The following CSMD3 variants were observed in gnomAD, a reference collection of about 807,000 sequenced individuals.
CSMD3 encodes the protein CUB and sushi domain-containing protein 3.
CSMD3 carries 177 observed loss-of-function variants against 435.2 expected under a neutral mutation model. The observed-to-expected ratio is 0.41, with a 90% CI of 0.36 to 0.46. The LOEUF (loss-of-function observed/expected upper bound fraction) is 0.46, where lower values mean the gene tolerates loss of function less well. Ranked by LOEUF, CSMD3 falls within the 20% of genes least tolerant of loss-of-function variation. CSMD3 has a pLI of 0.34. For missense variants in CSMD3, 4,265 were observed against 4,504.6 expected, an observed-to-expected ratio of 0.95 and a Z score of 1.52; for synonymous variants, 1,656 against 1,520.5, an observed-to-expected ratio of 1.09 and a Z score of -2.07.
At chr8:113,188,147 C>T (rs1362045292) in intron 3 of CSMD3, among the ~76,000 whole-genome samples, 22 of 151,912 alleles carry the variant, frequency 1.4e-4, no homozygotes, top group Admixed American at 1.4e-3. Context: ...TATTTATTGA[C>T]CACTTGCTCA....
intron 13 of CSMD3, among the ~76,000 whole-genome samples, chr8:112,776,220 G>A (rs962643876): frequency 6.6e-6 from 1 of 151,788 alleles, no homozygotes; most frequent in Non-Finnish European, 1.5e-5. Context: ...TTTACATTGT[G>A]AAAGGAAATT....
At chr8:112,423,652 C>T (rs1246807120) in intron 32 of CSMD3, among the ~76,000 whole-genome samples, 1 of 152,022 alleles carries the variant, frequency 6.6e-6, no homozygotes, top group Non-Finnish European at 1.5e-5. Context: ...ACCATGTTGC[C>T]CAGGCTGGAC....
intron 27 of CSMD3, among the ~76,000 whole-genome samples, chr8:112,527,452 A>G (rs1010003229): frequency 6.6e-6 from 1 of 152,000 alleles, no homozygotes; most frequent in Non-Finnish European, 1.5e-5. Context: ...AAAGTAAGAG[A>G]TAAAAAGAAT....
intron 30 of CSMD3, among the ~76,000 whole-genome samples, chr8:112,493,105 TG>T (rs1450845660): frequency 1.3e-5 from 2 of 152,024 alleles, no homozygotes; most frequent in East Asian, 1.9e-4. Context: ...TCTGTCTTTT[TG>T]GGGGGGCTCA....
intron 3 of CSMD3, among the ~76,000 whole-genome samples, chr8:113,200,119 A>G (rs534443809): frequency 1.3e-5 from 2 of 151,940 alleles, no homozygotes; most frequent in African/African-American, 2.4e-5. Context: ...AGTTTTTGCC[A>G]TCTTAATAAC....
chr8:113,215,687 A>T (rs1258163150), intron 3 of CSMD3, among the ~76,000 whole-genome samples: 1 of 151,958 alleles, frequency 6.6e-6, no homozygotes, highest in Non-Finnish European at 1.5e-5. Context: ...GCAAGCACAC[A>T]TAAAACAAAA....
At chr8:112,436,975 T>C (rs1348488439) in intron 32 of CSMD3, among the ~76,000 whole-genome samples, 1 of 152,064 alleles carries the variant, frequency 6.6e-6, no homozygotes, top group Non-Finnish European at 1.5e-5. Context: ...ATTTTGTATT[T>C]AGTCTTTATC....
intron 22 of CSMD3, among the ~76,000 whole-genome samples, chr8:112,627,654 A>G (rs928724493): frequency 6.6e-6 from 1 of 152,194 alleles, no homozygotes; most frequent in East Asian, 1.9e-4. Flanking sequence ...GGAGTCTTCT[A>G]TTTTAAGTCC....
At chr8:112,844,878 A>T (rs556585293) in intron 11 of CSMD3, among the ~76,000 whole-genome samples, 1 of 152,070 alleles carries the variant, frequency 6.6e-6, no homozygotes, top group South Asian at 2.1e-4. Context: ...GGTTGTATAA[A>T]GTACATTAAT....
At chr8:113,163,568 T>C (rs867963317) in intron 4 of CSMD3, among the ~76,000 whole-genome samples, 67 of 152,040 alleles carry the variant, frequency 4.4e-4, no homozygotes, top group African/African-American at 1.5e-3. Flanking sequence ...TAGGCATCCA[T>C]TAAATATTAA....
At chr8:113,112,841 T>G (rs2090703841) in intron 4 of CSMD3, among the ~76,000 whole-genome samples, 1 of 152,132 alleles carries the variant, frequency 6.6e-6, no homozygotes, top group African/African-American at 2.4e-5. Flanking sequence ...AAAACAGTCC[T>G]CTGACCACCT....
At chr8:112,511,848 T>G (rs1161399426) in intron 28 of CSMD3, among the ~76,000 whole-genome samples, 1 of 152,218 alleles carries the variant, frequency 6.6e-6, no homozygotes, top group Non-Finnish European at 1.5e-5. Flanking sequence ...TTATGTAATA[T>G]TTGAAGTTCT....
chr8:112,228,854 T>C lies in CSMD3; in HGVS notation c.10866A>G (p.Gln3622=), dbSNP rs2129838657. The change falls in exon 70 of 71, where the codon CAA becomes CAG. Residue 3622 remains glutamine (Q), a synonymous_variant. Coordinates refer to ENST00000297405, the MANE Select transcript of CSMD3 (RefSeq NM_198123.2). ...NMSEGSNSSN[Q]PHGTNSSSVA... Reference sequence around the variant, plus strand: ...CAGAACTACTATTTGTACCATGAGGTTGATTTGAAGAATTTGAACCTTCTG... The same window carrying C: ...CAGAACTACTATTTGTACCATGAGGCTGATTTGAAGAATTTGAACCTTCTG... 2 of 1,589,984 alleles carry C rather than the reference T, an allele frequency of 1.3e-6. No individual in the cohort carries two copies. Among genetic ancestry groups the C allele is most frequent in the Non-Finnish European group, 1.7e-6 (2 of 1,158,954 alleles).
At chr8:112,885,971 G>T (rs1399971029) in intron 10 of CSMD3, among the ~76,000 whole-genome samples, 2 of 151,510 alleles carry the variant, frequency 1.3e-5, no homozygotes, top group Non-Finnish European at 3.0e-5. Flanking sequence ...CTATCTTAAG[G>T]CACTGAAATA....
intron 3 of CSMD3, among the ~76,000 whole-genome samples, chr8:113,261,653 C>T (rs1457061723): frequency 6.6e-6 from 1 of 151,968 alleles, no homozygotes; most frequent in Non-Finnish European, 1.5e-5. Flanking sequence ...TCTGGGAAGC[C>T]CCAGTTAAGG....
chr8:112,654,565 A>G (rs934140887), intron 18 of CSMD3, among the ~76,000 whole-genome samples: 1 of 152,194 alleles, frequency 6.6e-6, no homozygotes, highest in Non-Finnish European at 1.5e-5. Context: ...CTATGCCACT[A>G]AGGACCTGTA....
At chr8:113,015,704 C>T (rs115950554) in intron 6 of CSMD3, among the ~76,000 whole-genome samples, 2 of 151,646 alleles carry the variant, frequency 1.3e-5, no homozygotes, top group Non-Finnish European at 3.0e-5. Context: ...AATAAAAATA[C>T]TTTTAATTAA....
At chr8:112,671,330 T>C (rs752152376) in intron 16 of CSMD3, among the ~76,000 whole-genome samples, 5 of 152,070 alleles carry the variant, frequency 3.3e-5, no homozygotes, top group Non-Finnish European at 5.9e-5. Flanking sequence ...TCTTTTTCAA[T>C]GACCTGGGAG....
At chr8:112,537,984 T>C (rs1368748949) in intron 27 of CSMD3, among the ~76,000 whole-genome samples, 1 of 152,010 alleles carries the variant, frequency 6.6e-6, no homozygotes, top group African/African-American at 2.4e-5. Flanking sequence ...ATTAAAAAGA[T>C]CATTTACTGT....
Sources: gnomAD v4.1 joint callset for allele counts (sites outside exome capture counted in the v4.1 genomes callset) on GRCh38, gnomAD v4.1.1 for gene constraint, MANE v1.5 for transcripts, NCBI Gene and HGNC (gene_info 2026-07-23, HGNC 2026-07-21) for gene names.